RHOH: variants seen among roughly 807,000 people sequenced by gnomAD.
RHOH encodes rho-related GTP-binding protein RhoH.
RHOH carries 6 observed loss-of-function variants against 13.8 expected under a neutral mutation model. The ratio of observed to expected loss-of-function variants is 0.44; its 90% CI spans 0.24 to 0.86. The LOEUF (loss-of-function observed/expected upper bound fraction) is 0.86, where lower values mean the gene tolerates loss of function less well. Ranked by LOEUF, RHOH falls within the 40% of genes least tolerant of loss-of-function variation. The pLI is 0.24. For missense variants in RHOH, 147 were observed against 244.5 expected (o/e 0.60, Z 2.66); for synonymous variants, 117 against 103.0 (o/e 1.14, Z -0.82).
chr4:40,217,812 G>A (rs775894035), intron 1 of RHOH, among the ~76,000 whole-genome samples: 1 of 152,162 alleles, frequency 6.6e-6, no homozygotes, highest in African/African-American at 2.4e-5. Context: ...TGCTAGAAAC[G>A]GAATTAGGAT....
At chr4:40,196,675 T>C (rs556703737), upstream of RHOH, among the ~76,000 whole-genome samples, 13 of 151,226 alleles carry the variant, frequency 8.6e-5, no homozygotes, top group African/African-American at 1.9e-4. Context: ...TTAACCAAGA[T>C]TGGTCAGTGG....
upstream of RHOH, chr4:40,193,882 G>A (rs1722871827): frequency 6.6e-6 from 1 of 152,358 alleles, no homozygotes; most frequent in African/African-American, 2.4e-5. Context: ...TGACTCTGGA[G>A]TACGTCTCCA....
intron 1 of RHOH, among the ~76,000 whole-genome samples, chr4:40,211,596 TC>T (rs1254437635): frequency 6.6e-6 from 1 of 152,146 alleles, no homozygotes; most frequent in Non-Finnish European, 1.5e-5. Context: ...CATTTAAGCG[TC>T]ATAGGTGATG....
rs35615493 is a variant in RHOH, at chr4:40,203,555, A to AGT, written c.-331+6270_-331+6271dup. On this transcript the variant is annotated intron_variant, in intron 1 of 2. Transcript: ENST00000381799. ...GTGTGTGTGTGTGTGAGAGAGAGAG[A>AGT]GTGTGTGTGTGTGTGTTGAAGGTGA... 1.5e-3 allele frequency among the ~76,000 whole-genome samples: 228 copies of AGT among 150,606 alleles called. 2 individuals are homozygous for AGT. The highest frequency in any genetic ancestry group is 3.8e-3 in the African/African-American group (155 of 41,020).
At chr4:40,193,000 T>G (rs1722768281), upstream of RHOH, 1 of 152,374 alleles carries the variant, frequency 6.6e-6, no homozygotes, top group Admixed American at 6.5e-5. Context: ...TGTGAGGCTG[T>G]GAGATGGGAG....
intron 1 of RHOH, among the ~76,000 whole-genome samples, chr4:40,197,686 G>T (rs1014472197): frequency 1.3e-5 from 2 of 152,148 alleles, no homozygotes; most frequent in Non-Finnish European, 2.9e-5. Flanking sequence ...AAGTTGTCTA[G>T]TTCAGAAAAG....
At chr4:40,230,943 G>A (rs1280723619) in intron 1 of RHOH, among the ~76,000 whole-genome samples, 2 of 152,190 alleles carry the variant, frequency 1.3e-5, no homozygotes, top group Admixed American at 1.3e-4. Flanking sequence ...GACCAGCCCA[G>A]CCTTTTTGTT....
chr4:40,225,069 CAACT>C (rs1176439466), intron 1 of RHOH, among the ~76,000 whole-genome samples: 1 of 152,088 alleles, frequency 6.6e-6, no homozygotes, highest in Non-Finnish European at 1.5e-5. Flanking sequence ...CTACCATGCC[CAACT>C]AATTAAAAGA....
At chr4:40,213,836 C>A (rs1293095889) in intron 1 of RHOH, among the ~76,000 whole-genome samples, 1 of 152,162 alleles carries the variant, frequency 6.6e-6, no homozygotes. Context: ...CCAGTCACTG[C>A]AACTTCCGCC....
upstream of RHOH, chr4:40,193,509 G>A (rs897924031): frequency 1.8e-5 from 1 of 55,502 alleles, no homozygotes; most frequent in Admixed American, 2.0e-4. Context: ...AGAGAGAGAG[G>A]AGAGGAGGGG....
chr4:40,246,062 A>G lies in RHOH; in HGVS notation c.*2100A>G, dbSNP rs1729748994. 1 of 152,188 alleles carries G rather than the reference A, an allele frequency of 6.6e-6. No homozygotes were observed. The highest frequency in any genetic ancestry group is 2.4e-5 in the African/African-American group (1 of 41,414). The allele number at this position is 152,188 out of a possible 1,614,324, so 9.4% of individuals were successfully genotyped here. A position where few individuals can be genotyped will look rare whatever the true frequency, so the allele number is the denominator to read the frequency against. On this transcript the variant is annotated 3_prime_UTR_variant, in exon 3 of 3. Transcript: ENST00000381799. ...TCTCAGCTCAGGGTTGGGGGGCTTG[A>G]AAGATGACCGGGCAGGGGAGGGGAA...
intron 1 of RHOH, among the ~76,000 whole-genome samples, chr4:40,219,139 C>T (rs148792582): frequency 2.2e-4 from 33 of 152,062 alleles, no homozygotes; most frequent in South Asian, 1.5e-3. Context: ...TGGCTGGGCG[C>T]GGTGGCTCAC....
At chr4:40,201,957 T>G (rs1228949284) in intron 1 of RHOH, among the ~76,000 whole-genome samples, 4 of 150,504 alleles carry the variant, frequency 2.7e-5, no homozygotes, top group Admixed American at 6.6e-5. Flanking sequence ...TTTTTTTTTT[T>G]TTTTTTTTTT....
chr4:40,233,930 A>AAAATAAAATG (rs1290313141), intron 1 of RHOH, among the ~76,000 whole-genome samples: 1 of 23,882 alleles, frequency 4.2e-5, no homozygotes, highest in East Asian at 2.8e-4. Context: ...CCTCTCAAAT[A>AAAATAAAATG]AAATAAAATA....
At chr4:40,210,233 G>A (rs756970672) in intron 1 of RHOH, among the ~76,000 whole-genome samples, 9 of 152,108 alleles carry the variant, frequency 5.9e-5, no homozygotes, top group Non-Finnish European at 8.8e-5. Context: ...TATAACAATT[G>A]TGTAATTGAA....
At chr4:40,217,840 A>G (rs1726068514) in intron 1 of RHOH, among the ~76,000 whole-genome samples, 1 of 152,198 alleles carries the variant, frequency 6.6e-6, no homozygotes, top group African/African-American at 2.4e-5. Flanking sequence ...CCTGGTTTCA[A>G]ACATGTCGAT....
Position 40,212,361 on chromosome 4 carries a change from A to T in RHOH, c.-331+15061A>T, listed in dbSNP as rs554605073. 2.8e-3 allele frequency among the ~76,000 whole-genome samples: 419 copies of T among 152,274 alleles called. 1 individual carries two copies. The highest frequency in any genetic ancestry group is 3.4e-3 in the Non-Finnish European group (229 of 68,022). On this transcript the variant is annotated intron_variant, in intron 1 of 2. Coordinates refer to ENST00000381799, the MANE Select transcript of RHOH (RefSeq NM_004310.5). The stretch of plus-strand genomic sequence containing the variant: ...AACACGTTTGAGGAATTATTGCATG[A>T]TTGATATTGTTGAGAGTTCAGATTA...
At chr4:40,238,658 A>G (rs1197132265) in intron 1 of RHOH, among the ~76,000 whole-genome samples, 2 of 152,214 alleles carry the variant, frequency 1.3e-5, no homozygotes, top group Non-Finnish European at 2.9e-5. Context: ...GCATCAAATT[A>G]TGGAGACCCC....
intron 1 of RHOH, among the ~76,000 whole-genome samples, chr4:40,201,672 G>C (rs1038435892): frequency 6.6e-6 from 1 of 151,576 alleles, no homozygotes; most frequent in African/African-American, 2.4e-5. Flanking sequence ...TTTTCGGGGC[G>C]GGGGGCAAGC....
Sources: gnomAD v4.1 joint callset for allele counts (sites outside exome capture counted in the v4.1 genomes callset) on GRCh38, gnomAD v4.1.1 for gene constraint, MANE v1.5 for transcripts, NCBI Gene and HGNC (gene_info 2026-07-23, HGNC 2026-07-21) for gene names.